ARHGEF18: variants seen among roughly 807,000 people sequenced by gnomAD.
ARHGEF18 encodes the protein Rho/Rac guanine nucleotide exchange factor 18.
A neutral mutation model predicts 155.7 loss-of-function variants in ARHGEF18; 93 were observed. That is an observed-to-expected ratio of 0.60 (90% CI 0.50 to 0.71). The LOEUF (loss-of-function observed/expected upper bound fraction) is 0.71, where lower values mean the gene tolerates loss of function less well. ARHGEF18 is among the 30% of genes least tolerant of loss of function. The pLI, the probability that ARHGEF18 is intolerant of heterozygous loss-of-function variation, is 0.00. For synonymous variants in ARHGEF18, 742 were observed against 753.1 expected (o/e 0.99, Z 0.24); for missense variants, 1,593 against 1,816.1 (o/e 0.88, Z 2.23).
downstream of ARHGEF18, among the ~76,000 whole-genome samples, chr19:7,476,593 C>T (rs1408135891): frequency 6.6e-6 from 1 of 152,238 alleles, no homozygotes; most frequent in Non-Finnish European, 1.5e-5. Context: ...GGCCCTGCGT[C>T]GGCAGCACAG....
In ARHGEF18 at chr19:7,440,392, C is replaced by G; in HGVS notation, c.1016C>G (p.Pro339Arg). The G allele has an allele frequency of 6.2e-7, 1 of 1,609,486 alleles. No homozygotes were observed. The change falls in exon 11 of 29, where the codon CCG (proline) becomes CGG (arginine). Residue 339 changes from proline to arginine, a missense_variant. Transcript: ENST00000668164. This position sits in a 1 kb window ranked among gnomAD's most constrained non-coding sequence, Gnocchi z 5.4. ...PRGTLLSDGS[P>R]ALSRNVGMTV... ...GGCACCCTCCTGTCCGATGGCAGCC[C>G]GGCCCTGTCCAGGAATGTCGGTATG... is the stretch of plus-strand genomic sequence containing the variant.
chr19:7,437,667 G>A (rs1452811769), intron 10 of ARHGEF18, among the ~76,000 whole-genome samples: 2 of 102,562 alleles, frequency 2.0e-5, no homozygotes, highest in African/African-American at 7.8e-5. Flanking sequence ...TTTGTGAGAT[G>A]GAGTCTCACT....
Position 7,382,803 on chromosome 19 carries a change from G to C in ARHGEF18, c.734G>C (p.Gly245Ala). Residue 245 changes from glycine to alanine, a missense_variant, in exon 9 of 29, where the codon GGT becomes GCT. Gly to Ala is a moderately conservative substitution (Grantham distance 60). Transcript: ENST00000668164. Reference sequence around the variant, plus strand: ...CTCTCGTCCCTCAGGAGCGAGGACGGTGCTGGCAAGAACGAGAAGAGTGAC... The same window carrying C: ...CTCTCGTCCCTCAGGAGCGAGGACGCTGCTGGCAAGAACGAGAAGAGTGAC... ...WFEFLSESED[G>A]AGKNEKSDKS... 1 of 1,232,528 alleles carries C rather than the reference G, an allele frequency of 8.1e-7. No homozygotes were observed. Among genetic ancestry groups the C allele is most frequent in the Non-Finnish European group, 1.0e-6 (1 of 988,100 alleles). 76.3% of individuals were successfully genotyped at this position (1,232,528 alleles called of 1,614,324 possible).
chr19:7,393,298 C>T (rs1440904317), intron 10 of ARHGEF18, among the ~76,000 whole-genome samples: 2 of 152,116 alleles, frequency 1.3e-5, no homozygotes, highest in Admixed American at 6.6e-5. Context: ...CACCTGGGGA[C>T]GCAACCCTCC....
In ARHGEF18 at chr19:7,462,259, C is replaced by A; in HGVS notation, c.2560C>A (p.Arg854=). Reference sequence around the variant, plus strand: ...CGGCCTCGAAGACCTGCCCCAGCCCCGAGGCCTATTCCGTGGAGGGGACCC... The same window carrying A: ...CGGCCTCGAAGACCTGCCCCAGCCCAGAGGCCTATTCCGTGGAGGGGACCC... ...MGGLEDLPQP[R]GLFRGGDPSE... The change falls in exon 21 of 29, where the codon CGA becomes AGA. Residue 854 remains arginine, a synonymous_variant. Transcript: ENST00000668164. The surrounding 1 kb of genome is among the most constrained non-coding windows in gnomAD (Gnocchi z 4.4). 6.2e-7 allele frequency: 1 copy of A among 1,613,806 alleles called. No individual in the cohort carries two copies. The highest frequency in any genetic ancestry group is 2.2e-5 in the East Asian group (1 of 44,886).
At chr19:7,416,329 C>G (rs530720370) in intron 10 of ARHGEF18, among the ~76,000 whole-genome samples, 12 of 152,098 alleles carry the variant, frequency 7.9e-5, no homozygotes, top group Admixed American at 7.2e-4. Flanking sequence ...TCCCTTGATT[C>G]CTTGAGCCCA....
intron 10 of ARHGEF18, among the ~76,000 whole-genome samples, chr19:7,416,893 A>G (rs145444689): frequency 0.014 from 2,082 of 151,750 alleles, 52 homozygotes; most frequent in African/African-American, 0.047. Context: ...GTGAGCCACC[A>G]TGCCCGGCTG....
chr19:7,462,246 C>A lies in ARHGEF18; in HGVS notation c.2547C>A (p.Asp849Glu), dbSNP rs781392316. The A allele has an allele frequency of 1.9e-6, 3 of 1,613,882 alleles. No homozygotes were observed. The Admixed American group carries it at 5.0e-5, about 27-fold the overall frequency. The change falls in exon 21 of 29, where the codon GAC becomes GAA. Residue 849 changes from aspartate (D) to glutamate (E), a missense_variant. Coordinates refer to ENST00000668164, the MANE Select transcript of ARHGEF18 (RefSeq NM_001367823.1). This position sits in a 1 kb window ranked among gnomAD's most constrained non-coding sequence, Gnocchi z 4.4. ...TGGCCGAGATGGGCGGCCTCGAAGA[C>A]CTGCCCCAGCCCCGAGGCCTATTCC... ...LEMAEMGGLE[D>E]LPQPRGLFRG... is the part of the protein sequence containing the mutation.
Position 7,362,900 on chromosome 19 carries a change from G to C in ARHGEF18, c.10G>C (p.Asp4His). MGD[D>H]QEDDFPRRLS... ...AGACTTCTTCTCTGCCATGGGGGAT[G>C]ATCAGGCAGGTGTCTGACTGCTGAA... Residue 4 changes from aspartate to histidine, a missense_variant, in exon 2 of 29, where the codon GAT becomes CAT. Transcript: ENST00000668164. 1 of 1,234,374 alleles carries C rather than the reference G, an allele frequency of 8.1e-7. No homozygotes were observed. Among genetic ancestry groups the C allele is most frequent in the Middle Eastern group, 2.1e-4 (1 of 4,840 alleles). The allele number at this position is 1,234,374 out of a possible 1,614,324, so 76.5% of individuals were successfully genotyped here.
At chr19:7,371,294 T>C (rs759933777) in intron 2 of ARHGEF18, among the ~76,000 whole-genome samples, 4 of 151,906 alleles carry the variant, frequency 2.6e-5, no homozygotes, top group Non-Finnish European at 5.9e-5. Flanking sequence ...GAATTTTAAT[T>C]TGGGAAGATG....
chr19:7,382,867 C>G lies in ARHGEF18; in HGVS notation c.798C>G (p.Arg266=), dbSNP rs1024756326. 3.2e-6 allele frequency: 4 copies of G among 1,232,522 alleles called. No homozygotes were observed. Among genetic ancestry groups the G allele is most frequent in the Non-Finnish European group, 3.0e-6 (3 of 988,142 alleles). The allele number at this position is 1,232,522 out of a possible 1,614,324, so 76.3% of individuals were successfully genotyped here. The change falls in exon 9 of 29, where the codon CGC becomes CGG. Residue 266 remains arginine, a synonymous_variant. Coordinates refer to ENST00000668164, the MANE Select transcript of ARHGEF18 (RefSeq NM_001367823.1). ...TGAAGCGCAGGCTGAGCTGCCTCCG[C>G]AGTCGAGTGACCAGGCAGAAGGAGA... The part of the protein sequence containing the change: ...TSVKRRLSCL[R]SRVTRQKEKG...
chr19:7,385,872 C>CTCTCTCTCTCTCTCTCTCT (rs1568285803), intron 10 of ARHGEF18, among the ~76,000 whole-genome samples: 1 of 49,670 alleles, frequency 2.0e-5, no homozygotes, highest in East Asian at 7.0e-4. Context: ...TCTCTCTCTC[C>CTCTCTCTCTCTCTCTCTCT]CCCCTCCCTC....
intron 2 of ARHGEF18, among the ~76,000 whole-genome samples, chr19:7,366,019 C>G (rs1280328383): frequency 6.6e-6 from 1 of 152,168 alleles, no homozygotes; most frequent in Non-Finnish European, 1.5e-5. Context: ...AATCTCGGCT[C>G]ACTGCAACCT....
At chr19:7,359,024 T>C (rs1323329235) in intron 1 of ARHGEF18, among the ~76,000 whole-genome samples, 1 of 152,130 alleles carries the variant, frequency 6.6e-6, no homozygotes, top group Non-Finnish European at 1.5e-5. Flanking sequence ...GCTAAAATTG[T>C]CTGCAGAGGA....
chr19:7,363,338 G>A (rs765130743), intron 2 of ARHGEF18, among the ~76,000 whole-genome samples: 6 of 151,942 alleles, frequency 3.9e-5, no homozygotes, highest in Non-Finnish European at 2.9e-5. Flanking sequence ...TGGATAAATG[G>A]ATGATGGGTG....
chr19:7,464,831 T>C, intron 23 of ARHGEF18, 141 bp downstream of exon 23: 1 of 1,222,140 alleles, frequency 8.2e-7, no homozygotes, highest in Non-Finnish European at 1.1e-6. Flanking sequence ...TAACAGTATC[T>C]CAGCCCAGAT....
chr19:7,358,720 T>C (rs1345319450), intron 1 of ARHGEF18, among the ~76,000 whole-genome samples: 1 of 152,232 alleles, frequency 6.6e-6, no homozygotes, highest in Non-Finnish European at 1.5e-5. Flanking sequence ...CTCTACCTCA[T>C]ACCAGATTGG....
chr19:7,375,282 AAAG>A (rs1361486144), intron 3 of ARHGEF18, among the ~76,000 whole-genome samples: 3 of 139,702 alleles, frequency 2.1e-5, no homozygotes, highest in Non-Finnish European at 3.2e-5. Context: ...AAAAAAAAAA[AAAG>A]AAAGAAAAGA....
chr19:7,391,050 TAAATA>T (rs1206711749), intron 10 of ARHGEF18, among the ~76,000 whole-genome samples: 1 of 151,496 alleles, frequency 6.6e-6, no homozygotes, highest in Non-Finnish European at 1.5e-5. Context: ...AAAAAATAAA[TAAATA>T]AAATAAAAAT....
Sources: gnomAD v4.1 joint callset for allele counts (sites outside exome capture counted in the v4.1 genomes callset) on GRCh38, gnomAD v4.1.1 for gene constraint, Gnocchi (gnomAD v3.1) non-coding constraint, MANE v1.5 for transcripts, NCBI Gene and HGNC (gene_info 2026-07-23, HGNC 2026-07-21) for gene names.